The following FNDC4 variants were observed in gnomAD, a reference collection of about 807,000 sequenced individuals.
FNDC4 encodes fibronectin type III domain-containing protein 4.
FNDC4 carries 11 observed loss-of-function variants against 25.1 expected under a neutral mutation model. The ratio of observed to expected loss-of-function variants is 0.44; its 90% CI spans 0.28 to 0.73. The LOEUF (loss-of-function observed/expected upper bound fraction) is 0.73. Among genes scored for constraint, FNDC4 ranks in the 30% least tolerant of loss-of-function variants. The probability of loss-of-function intolerance (pLI) is 0.16; values close to 1 mark genes in which losing one functional copy is unlikely to be tolerated. For missense variants in FNDC4, 250 were observed against 304.3 expected, an observed-to-expected ratio of 0.82 and a Z score of 1.33; for synonymous variants, 136 against 118.8, an observed-to-expected ratio of 1.14 and a Z score of -0.94.
At position 27,494,179 on chromosome 2, in the gene FNDC4, C is replaced by A; in HGVS notation, c.250-45G>T. On this transcript the variant is annotated intron_variant, in intron 3 of 6. Coordinates refer to ENST00000264703, the MANE Select transcript of FNDC4 (RefSeq NM_022823.3). This position sits in a 1 kb window ranked among gnomAD's most constrained non-coding sequence, Gnocchi z 4.6. ...GAGGAGGACAGCCTCACCCCAGTGC[C>A]AGGCCACAAGGCTCAACCAGAGACT... 2 of 1,577,040 alleles carry A rather than the reference C, an allele frequency of 1.3e-6. No individual in the cohort carries two copies. The highest frequency in any genetic ancestry group is 1.7e-6 in the Non-Finnish European group (2 of 1,151,822).
chr2:27,492,559 A>G lies in FNDC4; in HGVS notation c.670-81T>C, dbSNP rs1025245793. The G allele has an allele frequency of 6.3e-7, 1 of 1,593,500 alleles. No individual in the cohort carries two copies. On this transcript the variant is annotated intron_variant, in intron 6 of 6. Transcript: ENST00000264703. The surrounding 1 kb of genome is among the most constrained non-coding windows in gnomAD (Gnocchi z 4.1). ...TTCTCTCCAGCCTCCCCCATCCCAG[A>G]TCTTCCATTCTCCATCTTTTTCTGC...
intron 4 of FNDC4, 148 bp downstream of exon 4, chr2:27,493,782 T>C (rs1346406346): frequency 2.0e-5 from 16 of 807,100 alleles, no homozygotes; most frequent in Non-Finnish European, 2.8e-5. Context: ...CCAATCCCCT[T>C]CCCACCTGCT....
chr2:27,492,047 G>T lies in FNDC4; in HGVS notation c.*396C>A, dbSNP rs532618586. 1 of 242,592 alleles carries T rather than the reference G, an allele frequency of 4.1e-6. No individual in the cohort carries two copies. Among genetic ancestry groups the T allele is most frequent in the Non-Finnish European group, 8.1e-6 (1 of 123,504 alleles). The allele number at this position is 242,592 out of a possible 1,614,324, so 15.0% of individuals were successfully genotyped here. A position where few individuals can be genotyped will look rare whatever the true frequency, so the allele number is the denominator to read the frequency against. On this transcript the variant is annotated 3_prime_UTR_variant, in exon 7 of 7. Coordinates refer to ENST00000264703, the MANE Select transcript of FNDC4 (RefSeq NM_022823.3). This position sits in a 1 kb window ranked among gnomAD's most constrained non-coding sequence, Gnocchi z 4.1. ...TAGGGTCAGACAATTCCTTTTATTT[G>T]CTGGGGTAAGAGGAGTACCCACAGA...
intron 4 of FNDC4, 85 bp from the exon 5 acceptor site, chr2:27,493,563 A>T: frequency 9.1e-7 from 1 of 1,102,894 alleles, no homozygotes; most frequent in Non-Finnish European, 1.4e-6. Context: ...TGGGGATTAG[A>T]AAGGGTGGAC....
At chr2:27,493,202 G>A (rs1317550532) in intron 5 of FNDC4, among the ~76,000 whole-genome samples, 187 bp downstream of exon 5, 3 of 151,834 alleles carry the variant, frequency 2.0e-5, no homozygotes, top group Admixed American at 6.6e-5. Context: ...TAGTAGAGAC[G>A]GGTTTCACCA....
Position 27,494,725 on chromosome 2 carries a change from G to C in FNDC4, c.-24-22C>G. On this transcript the variant is annotated intron_variant, in intron 1 of 6. Transcript: ENST00000264703. This position sits in a 1 kb window ranked among gnomAD's most constrained non-coding sequence, Gnocchi z 4.6. ...GCTCCTGGAGATGGCAGGAGTTGTG[G>C]GGGGTCAAGGACTGCCCAGAACGCA... 5 of 1,469,530 alleles carry C rather than the reference G, an allele frequency of 3.4e-6. No homozygotes were observed. The highest frequency in any genetic ancestry group is 4.5e-6 in the Non-Finnish European group (5 of 1,110,966). 91.0% of individuals were successfully genotyped at this position (1,469,530 alleles called of 1,614,324 possible).
chr2:27,494,202 A>G lies in FNDC4; in HGVS notation c.250-68T>C. On this transcript the variant is annotated intron_variant, in intron 3 of 6. Coordinates refer to ENST00000264703, the MANE Select transcript of FNDC4 (RefSeq NM_022823.3). This position sits in a 1 kb window ranked among gnomAD's most constrained non-coding sequence, Gnocchi z 4.6. ...GCCAGGCCACAAGGCTCAACCAGAG[A>G]CTCTTCAACATCCAAGCACTCCGGG... The G allele has an allele frequency of 2.1e-5, 32 of 1,506,180 alleles. No individual in the cohort carries two copies. In the South Asian group the frequency reaches 3.7e-4, roughly 17 times the overall value. The allele number at this position is 1,506,180 out of a possible 1,614,324, so 93.3% of individuals were successfully genotyped here. A position where few individuals can be genotyped will look rare whatever the true frequency, so the allele number is the denominator to read the frequency against.
chr2:27,492,674 T>TC lies in FNDC4; in HGVS notation c.660dup (p.Thr221AspfsTer31). The TC allele has an allele frequency of 6.2e-7, 1 of 1,614,130 alleles. No homozygotes were observed. Among genetic ancestry groups the TC allele is most frequent in the Non-Finnish European group, 8.5e-7 (1 of 1,180,020 alleles). On this transcript the variant is annotated frameshift_variant, in exon 6 of 7. Transcript: ENST00000264703. LOFTEE classifies it high-confidence loss of function. The surrounding 1 kb of genome is among the most constrained non-coding windows in gnomAD (Gnocchi z 4.1). Reference sequence around the variant, plus strand: ...ACTGGCCCCCACATCACCTGTCTTGTCCCCACTGGCCTTCCCTGAGGACTC... The same window carrying TC: ...ACTGGCCCCCACATCACCTGTCTTGTCCCCCACTGGCCTTCCCTGAGGACTC...
chr2:27,493,859 G>T, intron 4 of FNDC4, 71 bp downstream of exon 4: 1 of 1,373,852 alleles, frequency 7.3e-7, no homozygotes, highest in Non-Finnish European at 1.0e-6. Flanking sequence ...TCTGTTGCTT[G>T]TCTTGGGGAA....
chr2:27,493,320 T>C, intron 5 of FNDC4, 69 bp downstream of exon 5: 2 of 1,294,282 alleles, frequency 1.5e-6, no homozygotes, highest in Non-Finnish European at 1.1e-6. Flanking sequence ...CACTTCTTTT[T>C]CTCCTGACAA....
rs989080770 is a variant in FNDC4, at chr2:27,492,149, G to A, written c.*294C>T. ...CAGAGTCCTGATACAGGTGAAATGG[G>A]GCCCCCATTTGGGACCTAATGGAGT... On this transcript the variant is annotated 3_prime_UTR_variant, in exon 7 of 7. Transcript: ENST00000264703. This position sits in a 1 kb window ranked among gnomAD's most constrained non-coding sequence, Gnocchi z 4.1. 1.7e-5 allele frequency: 8 copies of A among 467,396 alleles called. No individual in the cohort carries two copies. Among genetic ancestry groups the A allele is most frequent in the African/African-American group, 1.2e-4 (6 of 52,026 alleles). 29.0% of individuals were successfully genotyped at this position (467,396 alleles called of 1,614,324 possible).
chr2:27,493,764 G>A (rs1669313149), intron 4 of FNDC4, among the ~76,000 whole-genome samples, 166 bp downstream of exon 4: 1 of 152,222 alleles, frequency 6.6e-6, no homozygotes, highest in Non-Finnish European at 1.5e-5. Flanking sequence ...ATACCAGCCT[G>A]TCTATACCCA....
Position 27,493,488 on chromosome 2 carries a change from G to A in FNDC4, c.455-10C>T, listed in dbSNP as rs1412522773. 2 of 1,607,570 alleles carry A rather than the reference G, an allele frequency of 1.2e-6. No individual in the cohort carries two copies. Among genetic ancestry groups the A allele is most frequent in the Non-Finnish European group, 1.7e-6 (2 of 1,174,306 alleles). On this transcript the variant is annotated splice_polypyrimidine_tract_variant and intron_variant, in intron 4 of 6. Coordinates refer to ENST00000264703, the MANE Select transcript of FNDC4 (RefSeq NM_022823.3). ...TCCACTGTGATGTCACCTGAGAAGG[G>A]AGAAGGCAGAAGGCAGACTCCAGGT...
At position 27,492,756 on chromosome 2, in the gene FNDC4, G is replaced by C. The variant is rs1669286005; in HGVS notation, c.579C>G (p.Ile193Met). ...VIGLFCRQYD[I>M]IKDNDSNNNP... ...TGTTGTTGGAGTCATTGTCCTTGATGATGTCATACTGACGGCAGAACAGCC... is the reference window on the plus strand; with the variant it reads ...TGTTGTTGGAGTCATTGTCCTTGATCATGTCATACTGACGGCAGAACAGCC... The change falls in exon 6 of 7, where the codon ATC becomes ATG. Residue 193 changes from isoleucine (I) to methionine (M), a missense_variant. Coordinates refer to ENST00000264703, the MANE Select transcript of FNDC4 (RefSeq NM_022823.3). The surrounding 1 kb of genome is among the most constrained non-coding windows in gnomAD (Gnocchi z 4.1). The C allele has an allele frequency of 6.2e-7, 1 of 1,613,968 alleles. No homozygotes were observed. Among genetic ancestry groups the C allele is most frequent in the African/African-American group, 1.3e-5 (1 of 74,894 alleles).
rs757874081 is a variant in FNDC4, at chr2:27,494,338, G to A, written c.249+13C>T. On this transcript the variant is annotated intron_variant, in intron 3 of 6. Coordinates refer to ENST00000264703, the MANE Select transcript of FNDC4 (RefSeq NM_022823.3). This position sits in a 1 kb window ranked among gnomAD's most constrained non-coding sequence, Gnocchi z 4.6. ...AAGGACACAGGTTGGGGGAGCAGAA[G>A]GGTGATTCATACTTGCTGGGAAATG... The A allele has an allele frequency of 6.3e-7, 1 of 1,598,100 alleles. No homozygotes were observed. The highest frequency in any genetic ancestry group is 8.6e-7 in the Non-Finnish European group (1 of 1,165,382).
At chr2:27,493,601 G>A in intron 4 of FNDC4, 123 bp from the exon 5 acceptor site, 1 of 858,634 alleles carries the variant, frequency 1.2e-6, no homozygotes. Context: ...TTGGAGTGTA[G>A]GGTAGCCCCT....
Position 27,492,289 on chromosome 2 carries a change from G to A in FNDC4, c.*154C>T. 1.1e-6 allele frequency: 1 copy of A among 911,426 alleles called. No individual in the cohort carries two copies. Among genetic ancestry groups the A allele is most frequent in the Non-Finnish European group, 1.8e-6 (1 of 559,256 alleles). 56.5% of individuals were successfully genotyped at this position (911,426 alleles called of 1,614,324 possible). A position where few individuals can be genotyped will look rare whatever the true frequency, so the allele number is the denominator to read the frequency against. Reference sequence around the variant, plus strand: ...CTGAACAGACCTACCTTCTGGCTCTGCTCACAGTGGAAAGAGGATGGGTAC... The same window carrying A: ...CTGAACAGACCTACCTTCTGGCTCTACTCACAGTGGAAAGAGGATGGGTAC... On this transcript the variant is annotated 3_prime_UTR_variant, in exon 7 of 7. Coordinates refer to ENST00000264703, the MANE Select transcript of FNDC4 (RefSeq NM_022823.3). This position sits in a 1 kb window ranked among gnomAD's most constrained non-coding sequence, Gnocchi z 4.1.
chr2:27,493,677 T>C (rs1669311343), intron 4 of FNDC4, among the ~76,000 whole-genome samples, 199 bp from the exon 5 acceptor site: 1 of 152,204 alleles, frequency 6.6e-6, no homozygotes, highest in South Asian at 2.1e-4. Context: ...TGCAGGTTAA[T>C]TACTCACTCA....
At position 27,492,844 on chromosome 2, in the gene FNDC4, A is replaced by G; in HGVS notation, c.545-54T>C. 6.2e-7 allele frequency: 1 copy of G among 1,606,742 alleles called. No individual in the cohort carries two copies. The highest frequency in any genetic ancestry group is 8.5e-7 in the Non-Finnish European group (1 of 1,175,412). ...TCTCCACTTCCCCCCTCATAGGGAG[A>G]TACCTACGTAGCTTCTAGAAAATCC... On this transcript the variant is annotated intron_variant, in intron 5 of 6. Transcript: ENST00000264703. The surrounding 1 kb of genome is among the most constrained non-coding windows in gnomAD (Gnocchi z 4.1).
Sources: allele counts gnomAD v4.1 joint callset (sites outside exome capture counted in the v4.1 genomes callset), GRCh38; gene constraint gnomAD v4.1.1; non-coding constraint Gnocchi (gnomAD v3.1); transcripts MANE v1.5; gene names NCBI Gene and HGNC (gene_info 2026-07-23, HGNC 2026-07-21).